Variants in TYK2 observed in about 807,000 individuals in gnomAD.
TYK2 encodes the protein non-receptor tyrosine-protein kinase TYK2.
Under a neutral mutation model 130.9 loss-of-function variants are expected in TYK2, and 65 were observed. The observed-to-expected ratio is 0.50, with a 90% CI of 0.41 to 0.61. The LOEUF is 0.61. TYK2 is among the 20% of genes least tolerant of loss of function. The pLI is 0.00. For synonymous variants in TYK2, 647 were observed against 658.9 expected, an observed-to-expected ratio of 0.98 and a Z score of 0.28; for missense variants, 1,378 against 1,610.7, an observed-to-expected ratio of 0.86 and a Z score of 2.47.
intron 22 of TYK2, 125 bp from the exon 23 acceptor site, chr19:10,352,676 C>T (rs973371481): frequency 5.5e-6 from 4 of 726,914 alleles, no homozygotes; most frequent in East Asian, 2.6e-5. Flanking sequence ...CCCTTAAGAG[C>T]GCAGCCTGAG....
chr19:10,359,576 T>G (rs1363710430), intron 14 of TYK2, among the ~76,000 whole-genome samples: 1 of 152,146 alleles, frequency 6.6e-6, no homozygotes, highest in African/African-American at 2.4e-5. Flanking sequence ...CTGGGCGTAG[T>G]GGCTCACGCC....
At chr19:10,369,108 C>T (rs1367391946) in intron 3 of TYK2, among the ~76,000 whole-genome samples, 6 of 152,084 alleles carry the variant, frequency 3.9e-5, no homozygotes, top group Non-Finnish European at 7.4e-5. Context: ...TGTGCTCGGC[C>T]GATTTTAGGT....
chr19:10,378,613 T>A, intron 2 of TYK2, 187 bp from the exon 3 acceptor site: 1 of 590,232 alleles, frequency 1.7e-6, no homozygotes, highest in Non-Finnish European at 3.0e-6. Context: ...GGTTGGGGTA[T>A]GCATCCCCAC....
rs779772705 is a variant in TYK2, at chr19:10,365,853, C to T, written c.675G>A (p.Gln225=). ...GGCGCAGCCGGGTCAGGGCGCTGTG[C>T]TGCCGGATATGCCGGCGGAAGGAGC... ...IPRSFRRHIR[Q]HSALTRLRLR... is the part of the protein sequence containing the mutation. The change falls in exon 7 of 25, where the codon CAG becomes CAA. Residue 225 remains glutamine (Q), a synonymous_variant. Coordinates refer to ENST00000525621, the MANE Select transcript of TYK2 (RefSeq NM_003331.5). 14 of 1,612,204 alleles carry T rather than the reference C, an allele frequency of 8.7e-6. No individual in the cohort carries two copies. In the East Asian group the frequency reaches 2.9e-4, roughly 33 times the overall value.
At chr19:10,358,161 T>TG in intron 15 of TYK2, 23 bp from the exon 16 acceptor site, 1 of 1,592,854 alleles carries the variant, frequency 6.3e-7, no homozygotes, top group South Asian at 1.1e-5. Flanking sequence ...GGAGAGGGGG[T>TG]GTGGCCACTC....
intron 7 of TYK2, 26 bp downstream of exon 7, chr19:10,365,491 C>G: frequency 6.2e-7 from 1 of 1,612,986 alleles, no homozygotes; most frequent in Non-Finnish European, 8.5e-7. Flanking sequence ...CCTGAACCCC[C>G]AGGGCGGAAG....
intron 7 of TYK2, 124 bp downstream of exon 7, chr19:10,365,393 G>A (rs2041610993): frequency 7.0e-7 from 1 of 1,435,870 alleles, no homozygotes; most frequent in South Asian, 1.2e-5. Context: ...GCGGACAGGT[G>A]CCCCAGAGCC....
intron 3 of TYK2, among the ~76,000 whole-genome samples, chr19:10,373,874 G>A (rs1599363272): frequency 6.6e-6 from 1 of 151,898 alleles, no homozygotes; most frequent in South Asian, 2.1e-4. Context: ...AAGGTCTTTC[G>A]CTTCCTCAAA....
rs760862764 is a variant in TYK2 at position 10,353,119 on chromosome 19, G to C, written c.3028-21C>G. 8.7e-6 allele frequency: 13 copies of C among 1,486,476 alleles called. No homozygotes were observed. Among genetic ancestry groups the C allele is most frequent in the East Asian group, 4.8e-5 (2 of 41,688 alleles). 92.1% of individuals were successfully genotyped at this position (1,486,476 alleles called of 1,614,324 possible). A position where few individuals can be genotyped will look rare whatever the true frequency, so the allele number is the denominator to read the frequency against. Reference sequence around the variant, plus strand: ...ATGCCCTGGGGACGGGGCAGGGCTCGTGAGTTTCAGTGGGGCGGGGTTCGG... The same window carrying C: ...ATGCCCTGGGGACGGGGCAGGGCTCCTGAGTTTCAGTGGGGCGGGGTTCGG... On this transcript the variant is annotated intron_variant, in intron 21 of 24. Coordinates refer to ENST00000525621, the MANE Select transcript of TYK2 (RefSeq NM_003331.5). This position sits in a 1 kb window ranked among gnomAD's most constrained non-coding sequence, Gnocchi z 6.9.
rs749914890 is a variant in TYK2 at position 10,368,006 on chromosome 19, G to T, written c.465+49C>A. The stretch of plus-strand genomic sequence containing the variant: ...GGAGGGAAATGGGGGCTCCTCAACT[G>T]CCCCTAAGTCTCCCACAAATAGTCT... On this transcript the variant is annotated intron_variant, in intron 5 of 24. Transcript: ENST00000525621. The T allele has an allele frequency of 1.2e-5, 19 of 1,608,962 alleles. No homozygotes were observed. In the South Asian group the frequency reaches 1.5e-4, roughly 13 times the overall value.
rs1164305548 is a variant in TYK2, at chr19:10,357,884, T to C, written c.2346A>G (p.Glu782=). 1.2e-6 allele frequency: 2 copies of C among 1,613,376 alleles called. No homozygotes were observed. The highest frequency in any genetic ancestry group is 8.5e-7 in the Non-Finnish European group (1 of 1,180,018). ...GGCTGTTGGCCCCACCTGGTAGGCATTCGGGGGCCAGCCAGGGGATCCTCT... is the reference window on the plus strand; with the variant it reads ...GGCTGTTGGCCCCACCTGGTAGGCACTCGGGGGCCAGCCAGGGGATCCTCT... ...RVERIPWLAP[E]CLPGGANSLS... The change falls in exon 17 of 25, where the codon GAA becomes GAG. Residue 782 remains glutamate (E), a synonymous_variant. Coordinates refer to ENST00000525621, the MANE Select transcript of TYK2 (RefSeq NM_003331.5).
intron 17 of TYK2, 171 bp from the exon 18 acceptor site, chr19:10,356,889 C>A: frequency 1.4e-6 from 1 of 691,730 alleles, no homozygotes. Flanking sequence ...TGCTCACAGC[C>A]GTAGAACCAG....
intron 23 of TYK2, 47 bp from the exon 24 acceptor site, chr19:10,351,209 A>G (rs757504759): frequency 1.3e-5 from 20 of 1,508,638 alleles, no homozygotes; most frequent in Non-Finnish European, 1.7e-5. Flanking sequence ...AATGAAAGGC[A>G]GGCACGGTGG....
At chr19:10,372,484 A>ATATATT (rs1390400916) in intron 3 of TYK2, among the ~76,000 whole-genome samples, 12 of 37,426 alleles carry the variant, frequency 3.2e-4, no homozygotes, top group African/African-American at 4.0e-4. Flanking sequence ...ATATATATAT[A>ATATATT]TTTTTTTTTT....
rs150861764 is a variant in TYK2 at position 10,368,388 on chromosome 19, G to A, written c.224C>T (p.Ala75Val). Reference sequence around the variant, plus strand: ...GACTTGGGCCTGAGCATCGAAGAGGGCAAAGAGATTGAAGCAAGGAGGAGT... The same window carrying A: ...GACTTGGGCCTGAGCATCGAAGAGGACAAAGAGATTGAAGCAAGGAGGAGT... Reference protein sequence around the residue: ...GITPPCFNLFALFDAQAQVWL... With the variant: ...GITPPCFNLFVLFDAQAQVWL... Residue 75 changes from alanine to valine, a missense_variant, in exon 4 of 25, where the codon GCC (alanine) becomes GTC (valine). Coordinates refer to ENST00000525621, the MANE Select transcript of TYK2 (RefSeq NM_003331.5). 1.9e-6 allele frequency: 3 copies of A among 1,614,154 alleles called. No homozygotes were observed. The highest frequency in any genetic ancestry group is 2.5e-6 in the Non-Finnish European group (3 of 1,180,022).
At chr19:10,362,026 C>A in intron 12 of TYK2, 52 bp downstream of exon 12, 3 of 1,612,744 alleles carry the variant, frequency 1.9e-6, no homozygotes, top group Non-Finnish European at 2.5e-6. Flanking sequence ...GCCCCCAGCA[C>A]CCACATCCCC....
chr19:10,373,407 C>T (rs12720348), intron 3 of TYK2, among the ~76,000 whole-genome samples: 92 of 151,968 alleles, frequency 6.1e-4, no homozygotes, highest in Non-Finnish European at 7.8e-4. Context: ...GGTGCGATCT[C>T]GGCTCACTGC....
intron 2 of TYK2, 75 bp downstream of exon 2, chr19:10,379,540 T>TAAAA (rs1454017186): frequency 1.3e-3 from 193 of 150,156 alleles, no homozygotes; most frequent in African/African-American, 4.5e-3. Context: ...AATAAATAAA[T>TAAAA]AAAAAGTAAA....
intron 18 of TYK2, 86 bp from the exon 19 acceptor site, chr19:10,354,695 T>C: frequency 9.1e-7 from 1 of 1,104,636 alleles, no homozygotes; most frequent in East Asian, 2.4e-5. Flanking sequence ...CAGCCACAGC[T>C]ACCCCAGGAT....
Sources: gnomAD v4.1 joint callset for allele counts (sites outside exome capture counted in the v4.1 genomes callset) on GRCh38, gnomAD v4.1.1 for gene constraint, Gnocchi (gnomAD v3.1) non-coding constraint, MANE v1.5 for transcripts, NCBI Gene and HGNC (gene_info 2026-07-23, HGNC 2026-07-21) for gene names.